DAGLB: variants seen among roughly 807,000 people sequenced by gnomAD.
DAGLB encodes the protein diacylglycerol lipase-beta.
A neutral mutation model predicts 72.1 loss-of-function variants in DAGLB; 66 were observed. The observed-to-expected ratio is 0.92, with a 90% CI of 0.75 to 1.12. The LOEUF is 1.12. DAGLB is among the 50% of genes most tolerant of loss of function. The pLI is 0.00. For synonymous variants in DAGLB, 414 were observed against 359.5 expected (o/e 1.15, Z -1.71); for missense variants, 1,065 against 884.9 (o/e 1.20, Z -2.58).
chr7:6,417,377 T>A (rs547678829), intron 9 of DAGLB: 1 of 158,684 alleles, frequency 6.3e-6, no homozygotes, highest in Non-Finnish European at 1.4e-5. Context: ...TGAGTTATCG[T>A]CGCACCACTG....
rs746978495 is a variant in DAGLB, at chr7:6,447,886, C to G, written c.-44G>C. 1 of 1,559,668 alleles carries G rather than the reference C, an allele frequency of 6.4e-7. No individual in the cohort carries two copies. The highest frequency in any genetic ancestry group is 8.6e-7 in the Non-Finnish European group (1 of 1,158,226). ...CGCACTCAGGAGAGACCCCGCGCGC[C>G]GTTCACCGAGAACAAACCAGCACCC... On this transcript the variant is annotated 5_prime_UTR_variant, in exon 1 of 15. Coordinates refer to ENST00000297056, the MANE Select transcript of DAGLB (RefSeq NM_139179.4).
chr7:6,435,725 T>C (rs1784634281), intron 3 of DAGLB, among the ~76,000 whole-genome samples: 1 of 152,114 alleles, frequency 6.6e-6, no homozygotes, highest in Non-Finnish European at 1.5e-5. Flanking sequence ...CTCTCATCTA[T>C]ATGTTTAAAT....
At position 6,416,873 on chromosome 7, in the gene DAGLB, C is replaced by T. The variant is rs996814688; in HGVS notation, c.1267G>A (p.Gly423Arg). ...RYVYQRLIND[G>R]ILSQAFSIAP... ...ATGCTGAAGGCTTGGCTCAAAATCC[C>T]GTCGTTGATGAGTCGTTGGTAAACG... Residue 423 changes from glycine (G) to arginine (R), a missense_variant, in exon 10 of 15, where the codon GGG (glycine) becomes AGG (arginine). Transcript: ENST00000297056. 20 of 1,614,086 alleles carry T rather than the reference C, an allele frequency of 1.2e-5. No individual in the cohort carries two copies. The highest frequency in any genetic ancestry group is 8.9e-5 in the East Asian group (4 of 44,900).
intron 8 of DAGLB, chr7:6,422,330 C>T (rs938158854): frequency 1.1e-4 from 29 of 259,434 alleles, no homozygotes; most frequent in African/African-American, 4.9e-4. Context: ...AGAGGACAGG[C>T]GGCGTCCTCC....
intron 11 of DAGLB, among the ~76,000 whole-genome samples, chr7:6,413,426 T>G (rs773473915): frequency 3.3e-5 from 5 of 151,972 alleles, no homozygotes; most frequent in Non-Finnish European, 7.4e-5. Context: ...GTCAGGAGAT[T>G]GAAACCATCC....
In DAGLB at chr7:6,430,557, A is replaced by C; in HGVS notation, c.852T>G (p.Phe284Leu). 1 of 1,604,412 alleles carries C rather than the reference A, an allele frequency of 6.2e-7. No homozygotes were observed. Among genetic ancestry groups the C allele is most frequent in the Non-Finnish European group, 8.5e-7 (1 of 1,173,570 alleles). ...ELENCHHYMQ[F>L]AAAAYGWPLY... ...GGGGCCACCCATAGGCCGCTGCTGC[A>C]AACTGCATGTAATGATGGCAGTTTT... Residue 284 changes from phenylalanine to leucine, a missense_variant, in exon 6 of 15, where the codon TTT (phenylalanine) becomes TTG (leucine). Coordinates refer to ENST00000297056, the MANE Select transcript of DAGLB (RefSeq NM_139179.4).
chr7:6,424,881 G>A (rs377149647), intron 7 of DAGLB, 46 bp from the exon 8 acceptor site: 47 of 1,586,028 alleles, frequency 3.0e-5, no homozygotes, highest in African/African-American at 2.1e-4. Context: ...GTGAACACAC[G>A]CACCAGCACG....
intron 13 of DAGLB, among the ~76,000 whole-genome samples, chr7:6,410,655 C>A (rs901463038): frequency 6.6e-6 from 1 of 152,172 alleles, no homozygotes; most frequent in Admixed American, 6.5e-5. Flanking sequence ...CTAAGCCATA[C>A]AGACTGTGAG....
chr7:6,443,249 TAAAAAA>T (rs60124255), intron 2 of DAGLB, among the ~76,000 whole-genome samples: 67 of 78,188 alleles, frequency 8.6e-4, no homozygotes, highest in African/African-American at 1.9e-3. Context: ...TTGTCTCTAC[TAAAAAA>T]AAAAAAAAAA....
At chr7:6,442,898 G>A (rs1784875585) in intron 2 of DAGLB, among the ~76,000 whole-genome samples, 1 of 152,016 alleles carries the variant, frequency 6.6e-6, no homozygotes, top group Admixed American at 6.6e-5. Context: ...ACTAGACCAG[G>A]TGCAGTGGCT....
chr7:6,424,099 C>A (rs1406558186), intron 8 of DAGLB, among the ~76,000 whole-genome samples: 2 of 152,178 alleles, frequency 1.3e-5, no homozygotes, highest in Non-Finnish European at 2.9e-5. Context: ...GGAGTCTCAA[C>A]TCATTTTCTG....
At chr7:6,430,278 T>TATATATA in intron 6 of DAGLB, among the ~76,000 whole-genome samples, 1 of 122,362 alleles carries the variant, frequency 8.2e-6, no homozygotes. Context: ...TATATATATA[T>TATATATA]ATATGCAGGG....
intron 6 of DAGLB, among the ~76,000 whole-genome samples, chr7:6,429,384 A>C (rs931833134): frequency 6.6e-6 from 1 of 151,906 alleles, no homozygotes; most frequent in African/African-American, 2.4e-5. Flanking sequence ...CGGCTGAGAA[A>C]CTTAAAACTT....
chr7:6,440,184 A>C (rs1784785591), intron 2 of DAGLB, among the ~76,000 whole-genome samples: 1 of 151,648 alleles, frequency 6.6e-6, no homozygotes, highest in African/African-American at 2.4e-5. Flanking sequence ...CTGGAGTTCA[A>C]GACCAGCCTG....
intron 1 of DAGLB, among the ~76,000 whole-genome samples, chr7:6,447,262 G>C (rs1380713648): frequency 6.6e-6 from 1 of 152,318 alleles, no homozygotes; most frequent in East Asian, 1.9e-4. Context: ...TGTATGTTGA[G>C]CCTGTCTGCT....
At chr7:6,426,511 C>G (rs537959877) in intron 6 of DAGLB, among the ~76,000 whole-genome samples, 3 of 152,226 alleles carry the variant, frequency 2.0e-5, no homozygotes, top group Non-Finnish European at 2.9e-5. Flanking sequence ...CTCAGGCGAA[C>G]TGCCCGTCTT....
chr7:6,412,684 G>T, intron 13 of DAGLB, 127 bp downstream of exon 13: 2 of 1,070,104 alleles, frequency 1.9e-6, no homozygotes, highest in Non-Finnish European at 2.8e-6. Flanking sequence ...ATCAGATGGT[G>T]GAAGGAGAAC....
intron 8 of DAGLB, chr7:6,422,245 C>G (rs1265126576): frequency 3.2e-6 from 1 of 315,584 alleles, no homozygotes; most frequent in Non-Finnish European, 6.4e-6. Flanking sequence ...GGGGCACAGC[C>G]CAGGCGCAGG....
In DAGLB at chr7:6,441,473, A is replaced by T. The variant is rs549355070; in HGVS notation, c.247+4480T>A. 3.5e-4 allele frequency among the ~76,000 whole-genome samples: 52 copies of T among 147,144 alleles called. No individual in the cohort carries two copies. In the Middle Eastern group the frequency reaches 0.011, roughly 30 times the overall value. On this transcript the variant is annotated intron_variant, in intron 2 of 14. Transcript: ENST00000297056. ...CACTCTGTCGTCCAGGCTGGAGTGC[A>T]ATGGCGCGATCTCGGCTCACTGCAA...
Sources: allele counts gnomAD v4.1 joint callset (sites outside exome capture counted in the v4.1 genomes callset), GRCh38; gene constraint gnomAD v4.1.1; transcripts MANE v1.5; gene names NCBI Gene and HGNC (gene_info 2026-07-23, HGNC 2026-07-21).